LRRK1: variants seen among roughly 807,000 people sequenced by gnomAD.
LRRK1 encodes the protein leucine-rich repeat serine/threonine-protein kinase 1.
In LRRK1, 113 loss-of-function variants were observed where a neutral mutation model predicts 209.1. The observed-to-expected ratio is 0.54, with a 90% confidence interval of 0.46 to 0.63. The LOEUF (loss-of-function observed/expected upper bound fraction) is 0.63. LRRK1 is among the 30% of genes least tolerant of loss of function. The pLI, the probability that LRRK1 is intolerant of heterozygous loss-of-function variation, is 0.00. For synonymous variants in LRRK1, 1,144 were observed against 1,099.7 expected, an observed-to-expected ratio of 1.04 and a Z score of -0.80; for missense variants, 2,284 against 2,632.2, an observed-to-expected ratio of 0.87 and a Z score of 2.89.
chr15:100,983,679 A>T lies in LRRK1; in HGVS notation c.413A>T (p.Glu138Val). 1 of 1,608,938 alleles carries T rather than the reference A, an allele frequency of 6.2e-7. No individual in the cohort carries two copies. The highest frequency in any genetic ancestry group is 8.5e-7 in the Non-Finnish European group (1 of 1,176,762). The change falls in exon 4 of 34, where the codon GAA becomes GTA. Residue 138 changes from glutamate (E) to valine (V), a missense_variant. By Grantham distance (121) the Glu-to-Val change is moderately radical (BLOSUM62 -2). This residue lies in a region of LRRK1 where 134 missense variants were observed against 191.7 expected (regional missense o/e 0.70). Coordinates refer to ENST00000388948, the MANE Select transcript of LRRK1 (RefSeq NM_024652.6). ...AYFGHTAVVQ[E>V]LLESLPGPCS... ...TTTGGACACACGGCAGTTGTGCAGG[A>T]ATTGCTTGAGTCCTTACCAGGTAAA...
At chr15:100,955,205 T>C (rs2042729019) in intron 2 of LRRK1, among the ~76,000 whole-genome samples, 1 of 152,180 alleles carries the variant, frequency 6.6e-6, no homozygotes, top group African/African-American at 2.4e-5. Flanking sequence ...TAGTTTTTAG[T>C]GTATAGATCT....
rs755042125 is a variant in LRRK1 at position 101,049,631 on chromosome 15, C to T, written c.3300-13C>T. 6.2e-7 allele frequency: 1 copy of T among 1,612,210 alleles called. No homozygotes were observed. The highest frequency in any genetic ancestry group is 1.7e-5 in the Admixed American group (1 of 59,784). ...CAGATCGCAATGGGCTCCTTTTGGT[C>T]TCTGGATTGCAGTGTGGAATCTTCC... On this transcript the variant is annotated splice_polypyrimidine_tract_variant and intron_variant, in intron 22 of 33. Transcript: ENST00000388948.
Position 100,924,657 on chromosome 15 carries a change from C to G in LRRK1, c.25C>G (p.Pro9Ala). ...GATGGCTGGCATGTCGCAAAGACCC[C>G]CCAGCATGTACTGGTGTGTGGGGCC... MAGMSQRP[P>A]SMYWCVGPEE... Residue 9 changes from proline to alanine, a missense_variant, in exon 2 of 34, where the codon CCC becomes GCC. Physicochemically the swap from Pro to Ala is conservative, Grantham distance 27. Around this residue, in one of 6 missense-constraint regions of LRRK1, gnomAD observed 174 missense variants for 133.5 expected, o/e 1.30. Coordinates refer to ENST00000388948, the MANE Select transcript of LRRK1 (RefSeq NM_024652.6). 1 of 1,614,148 alleles carries G rather than the reference C, an allele frequency of 6.2e-7. No individual in the cohort carries two copies. Among genetic ancestry groups the G allele is most frequent in the Non-Finnish European group, 8.5e-7 (1 of 1,180,018 alleles).
intron 20 of LRRK1, among the ~76,000 whole-genome samples, chr15:101,039,322 A>G (rs12593696): frequency 0.1 from 15,374 of 152,196 alleles, 1,305 homozygotes; most frequent in East Asian, 0.44. Context: ...GATTTTCTGC[A>G]TCTTTTGTTA....
At chr15:101,067,573 G>GAAAC (rs1226033440) in intron 33 of LRRK1, among the ~76,000 whole-genome samples, 1 of 152,160 alleles carries the variant, frequency 6.6e-6, no homozygotes, top group Non-Finnish European at 1.5e-5. Context: ...AGAGGGTGGA[G>GAAAC]AAACACCAGT....
chr15:100,951,914 T>C (rs1250776059), intron 2 of LRRK1, among the ~76,000 whole-genome samples: 1 of 150,250 alleles, frequency 6.7e-6, no homozygotes, highest in African/African-American at 2.5e-5. Flanking sequence ...GATCGCACCA[T>C]TGCACTCCCA....
chr15:100,922,733 G>T (rs573852865), intron 1 of LRRK1, among the ~76,000 whole-genome samples: 29 of 152,124 alleles, frequency 1.9e-4, no homozygotes, highest in Non-Finnish European at 4.0e-4. Context: ...CCTAAATTTT[G>T]CCCAGATTGA....
At chr15:100,985,098 T>C (rs2031799035) in intron 4 of LRRK1, among the ~76,000 whole-genome samples, 1 of 152,178 alleles carries the variant, frequency 6.6e-6, no homozygotes, top group South Asian at 2.1e-4. Context: ...TGGGCTTTGA[T>C]AGATCTGTGC....
chr15:100,933,058 G>A (rs187944639), intron 2 of LRRK1, among the ~76,000 whole-genome samples: 1 of 152,282 alleles, frequency 6.6e-6, no homozygotes, highest in Non-Finnish European at 1.5e-5. Context: ...TAATTGGAAT[G>A]CATCAGCAAG....
At position 101,074,973 on chromosome 15, in the gene LRRK1, TGA is replaced by T. The variant is rs1299382939; in HGVS notation, c.*6126_*6127del. 10 of 147,742 alleles carry T rather than the reference TGA, an allele frequency of 6.8e-5. No individual in the cohort carries two copies. The highest frequency in any genetic ancestry group is 1.2e-4 in the Non-Finnish European group (8 of 67,374). 9.2% of individuals were successfully genotyped at this position (147,742 alleles called of 1,614,324 possible). ...GAACTCCGGCCCAAGGCTCTCTGAC[TGA>T]CTCCTTCCCAGATCTTCTTGGCTTA... is the stretch of plus-strand genomic sequence containing the variant. On this transcript the variant is annotated 3_prime_UTR_variant, in exon 34 of 34. Coordinates refer to ENST00000388948, the MANE Select transcript of LRRK1 (RefSeq NM_024652.6).
chr15:101,040,729 G>A (rs920281435), intron 20 of LRRK1, among the ~76,000 whole-genome samples: 2 of 152,032 alleles, frequency 1.3e-5, no homozygotes, highest in Non-Finnish European at 2.9e-5. Flanking sequence ...CATTTAGTTC[G>A]AAAGATTTTC....
intron 6 of LRRK1, among the ~76,000 whole-genome samples, chr15:101,005,709 A>C (rs1407896993): frequency 6.6e-6 from 1 of 152,222 alleles, no homozygotes; most frequent in Non-Finnish European, 1.5e-5. Context: ...ATTGACAGCG[A>C]TATGTCACAG....
chr15:101,066,243 C>T, intron 32 of LRRK1, 38 bp downstream of exon 32: 1 of 1,565,308 alleles, frequency 6.4e-7, no homozygotes, highest in South Asian at 1.2e-5. Flanking sequence ...CCAGGGCACG[C>T]CCACTGCTCC....
At chr15:101,061,058 C>T (rs1010416943) in intron 29 of LRRK1, 113 bp from the exon 30 acceptor site, 1 of 790,516 alleles carries the variant, frequency 1.3e-6, no homozygotes, top group Non-Finnish European at 2.2e-6. Flanking sequence ...AGGATGCAAC[C>T]CTGGGTGGGA....
In LRRK1 at chr15:101,025,949, G is replaced by A. The variant is rs2141100854; in HGVS notation, c.2233-16G>A. The A allele has an allele frequency of 6.2e-7, 1 of 1,613,888 alleles. No individual in the cohort carries two copies. On this transcript the variant is annotated splice_polypyrimidine_tract_variant and intron_variant, in intron 16 of 33. Coordinates refer to ENST00000388948, the MANE Select transcript of LRRK1 (RefSeq NM_024652.6). ...TGAACAGAGACAGTACTCAGCCGTG[G>A]GGTTCTCTGTTGCAGGCCAAGGCCC...
At chr15:100,968,184 A>G (rs2030598470) in intron 2 of LRRK1, among the ~76,000 whole-genome samples, 1 of 152,152 alleles carries the variant, frequency 6.6e-6, no homozygotes, top group Non-Finnish European at 1.5e-5. Context: ...CAGTCTTTCC[A>G]TAGATCAATC....
intron 12 of LRRK1, 127 bp from the exon 13 acceptor site, chr15:101,020,926 T>C (rs2033753526): frequency 2.0e-6 from 2 of 986,728 alleles, no homozygotes; most frequent in Middle Eastern, 3.1e-4. Context: ...GAGGTGAGCA[T>C]TTTGTTCTGA....
chr15:101,015,458 T>C, intron 12 of LRRK1, 56 bp downstream of exon 12: 1 of 1,366,876 alleles, frequency 7.3e-7, no homozygotes, highest in East Asian at 2.4e-5. Flanking sequence ...GTAGCCTGGT[T>C]CCTGCTCCAC....
At chr15:100,983,104 G>C (rs1473713631) in intron 3 of LRRK1, among the ~76,000 whole-genome samples, 4 of 152,176 alleles carry the variant, frequency 2.6e-5, no homozygotes, top group Non-Finnish European at 5.9e-5. Flanking sequence ...TAGCCTGGGA[G>C]GTCAAGGCTG....
Sources: allele counts gnomAD v4.1 joint callset (sites outside exome capture counted in the v4.1 genomes callset), GRCh38; gene constraint gnomAD v4.1.1; regional missense constraint gnomAD v4.1.1; transcripts MANE v1.5; gene names NCBI Gene and HGNC (gene_info 2026-07-23, HGNC 2026-07-21).